The following SAXO5 variants were observed in gnomAD, a reference collection of about 807,000 sequenced individuals.
SAXO5 encodes testis expressed 45.
chr19:7,498,541 C>T, the SAXO5 span, among the ~76,000 whole-genome samples: 1 of 152,030 alleles, frequency 6.6e-6, no homozygotes, highest in Admixed American at 6.6e-5. Flanking sequence ...GGATTACAGG[C>T]ATGCGCCACC....
the SAXO5 span, chr19:7,506,499 T>G: frequency 2.6e-6 from 1 of 392,056 alleles, no homozygotes; most frequent in East Asian, 6.5e-5. Flanking sequence ...CCCTTCTCCA[T>G]CCTCTCTTAT....
chr19:7,498,956 A>T, the SAXO5 span: 1 of 152,524 alleles, frequency 6.6e-6, no homozygotes. Context: ...GTGTGAAGAC[A>T]GGAAGAGATT....
chr19:7,504,291 C>A, the SAXO5 span: 6 of 1,613,918 alleles, frequency 3.7e-6, no homozygotes, highest in Non-Finnish European at 5.1e-6. Context: ...TTGGGCCTTC[C>A]TATCCCTGTC....
chr19:7,504,705 C>CAA, the SAXO5 span, among the ~76,000 whole-genome samples: 8 of 143,102 alleles, frequency 5.6e-5, no homozygotes, highest in African/African-American at 1.0e-4. Context: ...GACTCCATCT[C>CAA]AAAAAAAAAA....
At chr19:7,505,520 C>T in the SAXO5 span, 1 of 1,614,212 alleles carries the variant, frequency 6.2e-7, no homozygotes, top group South Asian at 1.1e-5. Context: ...CTGGCAGAGC[C>T]TTTTGTTCTT....
the SAXO5 span, among the ~76,000 whole-genome samples, chr19:7,498,210 A>C: frequency 7.0e-6 from 1 of 143,538 alleles, no homozygotes; most frequent in Non-Finnish European, 1.5e-5. Flanking sequence ...CCCTTCATCC[A>C]TGTTTTCTTT....
the SAXO5 span, chr19:7,507,140 G>C: frequency 1.1e-5 from 18 of 1,613,490 alleles, no homozygotes; most frequent in South Asian, 2.0e-4. Context: ...ATGCTACAGC[G>C]GGTAAGGGAG....
chr19:7,501,911 CAG>C, the SAXO5 span, among the ~76,000 whole-genome samples: 248 of 81,636 alleles, frequency 3.0e-3, no homozygotes, highest in African/African-American at 0.014. Flanking sequence ...GAAAACAAGA[CAG>C]AGAGGAAGGG....
chr19:7,504,874 A>T, the SAXO5 span, among the ~76,000 whole-genome samples: 5 of 151,802 alleles, frequency 3.3e-5, no homozygotes. Context: ...CAGATCTCTC[A>T]TTATCAGAGC....
chr19:7,500,710 A>G, the SAXO5 span: 1 of 1,013,370 alleles, frequency 9.9e-7, no homozygotes, highest in Non-Finnish European at 1.4e-6. Flanking sequence ...GCGAACAGAA[A>G]GGAGTCAAAG....
At chr19:7,504,329 C>A in the SAXO5 span, 1 of 1,614,228 alleles carries the variant, frequency 6.2e-7, no homozygotes, top group Non-Finnish European at 8.5e-7. Flanking sequence ...CGGAGTGGAG[C>A]TGGGAGACTG....
chr19:7,501,275 C>G, the SAXO5 span: 1 of 1,573,804 alleles, frequency 6.4e-7, no homozygotes, highest in Non-Finnish European at 8.5e-7. Context: ...CGCGCCTCAT[C>G]TTCGACCGCG....
At chr19:7,506,657 A>T in the SAXO5 span, 1 of 340,774 alleles carries the variant, frequency 2.9e-6, no homozygotes. Flanking sequence ...TTCCTCCCCT[A>T]GCTCCTCCGT....
At chr19:7,506,344 C>T in the SAXO5 span, 1 of 675,326 alleles carries the variant, frequency 1.5e-6, no homozygotes, top group Non-Finnish European at 2.7e-6. Context: ...CCCTAACCAG[C>T]CCTCCCCTCC....
At chr19:7,506,567 T>TGCCCTGCCTG in the SAXO5 span, 5 of 345,540 alleles carry the variant, frequency 1.4e-5, no homozygotes, top group East Asian at 4.4e-4. Flanking sequence ...CCCGCTAGCC[T>TGCCCTGCCTG]GCCCTGCCTG....
chr19:7,506,244 GCCCCT>G, the SAXO5 span: 4 of 621,926 alleles, frequency 6.4e-6, no homozygotes, highest in Admixed American at 1.0e-4. Context: ...CCCCCATGGA[GCCCCT>G]CCCCATGGAG....
the SAXO5 span, chr19:7,506,198 G>A: frequency 2.7e-6 from 4 of 1,491,762 alleles, no homozygotes; most frequent in Non-Finnish European, 3.6e-6. Context: ...GCCCCATGGA[G>A]CCCCGCCCCG....
At chr19:7,505,557 C>T in the SAXO5 span, 2 of 1,614,182 alleles carry the variant, frequency 1.2e-6, no homozygotes, top group Non-Finnish European at 1.7e-6. Context: ...CGGAGTCGCA[C>T]ATCCTGAAAG....
At chr19:7,504,355 A>G in the SAXO5 span, 2 of 1,614,162 alleles carry the variant, frequency 1.2e-6, no homozygotes, top group Non-Finnish European at 1.7e-6. Context: ...TCAGCTATGG[A>G]TCAACGTGTT....
Sources: allele counts gnomAD v4.1 joint callset (sites outside exome capture counted in the v4.1 genomes callset), GRCh38; gene constraint gnomAD v4.1.1; transcripts MANE v1.5; gene names NCBI Gene and HGNC (gene_info 2026-07-23, HGNC 2026-07-21).